The following ABCA7 variants were observed in gnomAD, a reference collection of about 807,000 sequenced individuals.
ABCA7 encodes phospholipid-transporting ATPase ABCA7.
In ABCA7, 261 loss-of-function variants were observed where a neutral mutation model predicts 227.6. The observed-to-expected ratio is 1.15, with a 90% CI of 1.04 to 1.27. The LOEUF (loss-of-function observed/expected upper bound fraction) is 1.27, where lower values mean the gene tolerates loss of function less well. Among genes scored for constraint, ABCA7 ranks in the 50% most tolerant of loss-of-function variants. ABCA7 has a pLI of 0.00. For missense variants in ABCA7, 3,331 were observed against 2,924.5 expected (o/e 1.14, Z -3.21); for synonymous variants, 1,488 against 1,279.7 (o/e 1.16, Z -3.47).
intron 16 of ABCA7, among the ~76,000 whole-genome samples, chr19:1,048,390 G>T (rs534721868): frequency 8.8e-4 from 131 of 148,980 alleles, no homozygotes; most frequent in African/African-American, 3.0e-3. Context: ...TAGCTACTTG[G>T]AAGGCAGAGG....
At position 1,041,817 on chromosome 19, in the gene ABCA7, G is replaced by A. The variant is rs1193883217; in HGVS notation, c.161-14G>A. The A allele has an allele frequency of 5.6e-6, 9 of 1,600,298 alleles. No homozygotes were observed. The African/African-American group carries it at 1.1e-4, about 19-fold the overall frequency. Reference sequence around the variant, plus strand: ...AGAGTCCACAGGGCCTCAGCACCAGGCGTCTCCCCGCAGGCCACTTCCCAA... The same window carrying A: ...AGAGTCCACAGGGCCTCAGCACCAGACGTCTCCCCGCAGGCCACTTCCCAA... On this transcript the variant is annotated splice_polypyrimidine_tract_variant and intron_variant, in intron 3 of 46. Transcript: ENST00000263094.
Position 1,049,363 on chromosome 19 carries a change from G to C in ABCA7, c.2478G>C (p.Gly826=), listed in dbSNP as rs771586748. Residue 826 remains glycine (G), a synonymous_variant, in exon 18 of 47, where the codon GGG becomes GGC. Coordinates refer to ENST00000263094, the MANE Select transcript of ABCA7 (RefSeq NM_019112.4). Reference sequence around the variant, plus strand: ...GAAGCCCGCAGCCAGCCCTGCGGGGGCTCAGCCTGGACTTCTACCAGGGCC... The same window carrying C: ...GAAGCCCGCAGCCAGCCCTGCGGGGCCTCAGCCTGGACTTCTACCAGGGCC... ...FPGSPQPALR[G]LSLDFYQGHI... 32 of 1,611,514 alleles carry C rather than the reference G, an allele frequency of 2.0e-5. No homozygotes were observed. In the Middle Eastern group the frequency reaches 2.1e-3, roughly 108 times the overall value.
intron 40 of ABCA7, among the ~76,000 whole-genome samples, chr19:1,061,116 G>C (rs2042622870): frequency 6.6e-6 from 1 of 152,126 alleles, no homozygotes. Flanking sequence ...AGGTGCTGAG[G>C]CCAGGCGTGG....
At position 1,063,513 on chromosome 19, in the gene ABCA7, TC is replaced by T. The variant is rs754918891; in HGVS notation, c.5713-27del. 76 of 1,605,778 alleles carry T rather than the reference TC, an allele frequency of 4.7e-5. 1 individual carries two copies. In the South Asian group the frequency reaches 8.4e-4, roughly 18 times the overall value. ...CCTGCCCCATACTCATCAATATGAG[TC>T]CCCATGCCTACTCTGGCCCCACCCC... On this transcript the variant is annotated intron_variant, in intron 42 of 46. Transcript: ENST00000263094.
In ABCA7 at chr19:1,056,019, G is replaced by GC. The variant is rs3833881; in HGVS notation, c.4239-40dup. ...TGCCTGCCCCCTGGGAGCTCTCCCGGCCCCCCCGGCCCTCAGCTCCCCTTC... is the reference window on the plus strand; with the variant it reads ...TGCCTGCCCCCTGGGAGCTCTCCCGGCCCCCCCCGGCCCTCAGCTCCCCTTC... On this transcript the variant is annotated intron_variant, in intron 31 of 46. Coordinates refer to ENST00000263094, the MANE Select transcript of ABCA7 (RefSeq NM_019112.4). This position sits in a 1 kb window ranked among gnomAD's most constrained non-coding sequence, Gnocchi z 4.3. The GC allele has an allele frequency of 4.3e-5, 67 of 1,552,304 alleles. No individual in the cohort carries two copies. Among genetic ancestry groups the GC allele is most frequent in the Middle Eastern group, 3.5e-4 (2 of 5,748 alleles).
In ABCA7 at chr19:1,048,893, A is replaced by G; in HGVS notation, c.2270-2A>G. The G allele has an allele frequency of 6.3e-7, 1 of 1,587,078 alleles. No individual in the cohort carries two copies. The highest frequency in any genetic ancestry group is 8.6e-7 in the Non-Finnish European group (1 of 1,165,444). On this transcript the variant is annotated splice_acceptor_variant, in intron 16 of 46. Coordinates refer to ENST00000263094, the MANE Select transcript of ABCA7 (RefSeq NM_019112.4). LOFTEE classifies it high-confidence loss of function. ...AGCAATAACCCGCGCCCCTCCCCGC[A>G]GGCCAGTACGGGATCCCTGAACCAT...
rs535290674 is a variant in ABCA7, at chr19:1,054,326, C to G, written c.3711C>G (p.Arg1237=). The change falls in exon 27 of 47, where the codon CGC becomes CGG. Residue 1237 remains arginine, a synonymous_variant. Coordinates refer to ENST00000263094, the MANE Select transcript of ABCA7 (RefSeq NM_019112.4). This position sits in a 1 kb window ranked among gnomAD's most constrained non-coding sequence, Gnocchi z 4.8. ...KRFLLARRSR[R]GLFAQIVLPA... ...TTCTGCTTGCCCGCCGCAGCCGCCG[C>G]GGCCTGTTCGCCCAGGTGAGGAGGG... is the stretch of plus-strand genomic sequence containing the variant. 1 of 1,599,308 alleles carries G rather than the reference C, an allele frequency of 6.3e-7. No individual in the cohort carries two copies. The highest frequency in any genetic ancestry group is 8.5e-7 in the Non-Finnish European group (1 of 1,178,318).
Position 1,053,172 on chromosome 19 carries a change from C to T in ABCA7, c.3221-157C>T, listed in dbSNP as rs141914879. On this transcript the variant is annotated intron_variant, in intron 23 of 46. Transcript: ENST00000263094. ...ACCCTCAAAGTGCTGGGATTACAGGCGTGAGCCACTGCGCCCGGCCGCACC... is the reference window on the plus strand; with the variant it reads ...ACCCTCAAAGTGCTGGGATTACAGGTGTGAGCCACTGCGCCCGGCCGCACC... Among the ~76,000 whole-genome samples, 398 of 152,356 alleles carry T rather than the reference C, an allele frequency of 2.6e-3. 2 individuals carry two copies. The highest frequency in any genetic ancestry group is 9.0e-3 in the African/African-American group (376 of 41,580).
At chr19:1,046,126 C>G (rs2040626134) in intron 12 of ABCA7, 104 bp from the exon 13 acceptor site, 3 of 1,339,866 alleles carry the variant, frequency 2.2e-6, no homozygotes, top group South Asian at 1.3e-5. Context: ...TCACTCCAGC[C>G]TGGGCGACAG....
At chr19:1,046,594 C>G (rs889561830) in intron 13 of ABCA7, among the ~76,000 whole-genome samples, 188 bp downstream of exon 13, 7 of 151,690 alleles carry the variant, frequency 4.6e-5, no homozygotes, top group African/African-American at 1.7e-4. Flanking sequence ...GGGGGGGACT[C>G]TGAGGGTCTG....
rs765162687 is a variant in ABCA7, at chr19:1,041,443, G to A, written c.66+16G>A. ...GAGACAGCCGGTAACGCCCCAGTGT[G>A]AGACCAGGGCCGGGTGGGCAGGCAG... On this transcript the variant is annotated intron_variant, in intron 2 of 46. Transcript: ENST00000263094. 1.2e-6 allele frequency: 2 copies of A among 1,613,976 alleles called. No individual in the cohort carries two copies. The highest frequency in any genetic ancestry group is 3.3e-5 in the Admixed American group (2 of 60,010).
rs1455999184 is a variant in ABCA7, at chr19:1,047,569, C to T, written c.2184C>T (p.Phe728=). 3.1e-6 allele frequency: 5 copies of T among 1,602,828 alleles called. No individual in the cohort carries two copies. Among genetic ancestry groups the T allele is most frequent in the Non-Finnish European group, 4.2e-6 (5 of 1,179,046 alleles). ...NVGTRPTADV[F]SLAQVSGLLL... is the part of the protein sequence containing the mutation. ...GCACCCGGCCTACGGCAGACGTCTT[C>T]AGCCTGGCCCAGGTCTCTGGCCTTC... Residue 728 remains phenylalanine (F), a synonymous_variant, in exon 16 of 47, where the codon TTC becomes TTT. Transcript: ENST00000263094.
At chr19:1,050,075 C>T (rs1347185988) in intron 18 of ABCA7, among the ~76,000 whole-genome samples, 1 of 149,360 alleles carries the variant, frequency 6.7e-6, no homozygotes, top group Non-Finnish European at 1.5e-5. Flanking sequence ...GCAGTAATGG[C>T]GCCACTGCAC....
rs374611445 is a variant in ABCA7, at chr19:1,059,087, T to C, written c.5463+2T>C. The C allele has an allele frequency of 3.1e-6, 5 of 1,612,568 alleles. No homozygotes were observed. The highest frequency in any genetic ancestry group is 4.2e-6 in the Non-Finnish European group (5 of 1,179,784). On this transcript the variant is annotated splice_donor_variant, in intron 40 of 46. Coordinates refer to ENST00000263094, the MANE Select transcript of ABCA7 (RefSeq NM_019112.4). LOFTEE classifies it high-confidence loss of function. ...TGCCTGGGGATTCCCCCTGGTGAGG[T>C]GAGTCCAGGGGTGGAGGCCAGGTGC...
chr19:1,046,801 G>T lies in ABCA7; in HGVS notation c.1623-1G>T. ...CTCCACCCCAGCCGTCCCCACCCCA[G>T]GTTCCTGCGTGTGCTGAGCCGGTCG... On this transcript the variant is annotated splice_acceptor_variant, in intron 13 of 46. Coordinates refer to ENST00000263094, the MANE Select transcript of ABCA7 (RefSeq NM_019112.4). LOFTEE classifies it high-confidence loss of function. 2.0e-6 allele frequency: 3 copies of T among 1,536,952 alleles called. No homozygotes were observed. The highest frequency in any genetic ancestry group is 2.6e-6 in the Non-Finnish European group (3 of 1,146,694).
In ABCA7 at chr19:1,054,955, CAG is replaced by C; in HGVS notation, c.3950+78_3950+79del. 1 of 1,551,664 alleles carries C rather than the reference CAG, an allele frequency of 6.4e-7. No homozygotes were observed. The highest frequency in any genetic ancestry group is 8.7e-7 in the Non-Finnish European group (1 of 1,143,920). On this transcript the variant is annotated intron_variant, in intron 29 of 46. Transcript: ENST00000263094. The surrounding 1 kb of genome is among the most constrained non-coding windows in gnomAD (Gnocchi z 4.8). ...CATCTGGTCCCTGGCCAGGGAGCCT[CAG>C]GGGGCACCTGGAGCATCCCCTGTGC...
chr19:1,054,101 G>A lies in ABCA7; in HGVS notation c.3568G>A (p.Gly1190Arg), dbSNP rs148143428. Residue 1190 changes from glycine (G) to arginine (R), a missense_variant, in exon 26 of 47, where the codon GGG becomes AGG. Coordinates refer to ENST00000263094, the MANE Select transcript of ABCA7 (RefSeq NM_019112.4). This position sits in a 1 kb window ranked among gnomAD's most constrained non-coding sequence, Gnocchi z 4.8. ...MPPQETALEN[G>R]EPAGSAPETD... ...GCCACAGGAGACAGCGCTGGAGAAC[G>A]GGGAACCAGGTAAGTCCTTCCCAGT... 6.4e-5 allele frequency: 103 copies of A among 1,613,104 alleles called. 1 individual carries two copies. Among genetic ancestry groups the A allele is most frequent in the South Asian group, 3.7e-4 (34 of 91,088 alleles).
intron 10 of ABCA7, among the ~76,000 whole-genome samples, chr19:1,044,321 C>A: frequency 6.8e-6 from 1 of 147,616 alleles, no homozygotes; most frequent in African/African-American, 2.5e-5. Flanking sequence ...GATCTTGGCT[C>A]ACTGCAACCT....
In ABCA7 at chr19:1,065,561, G is replaced by A. The variant is rs1325970534; in HGVS notation, c.*136G>A. The A allele has an allele frequency of 2.7e-6, 3 of 1,114,800 alleles. No homozygotes were observed. In the East Asian group the frequency reaches 7.6e-5, roughly 28 times the overall value. The allele number at this position is 1,114,800 out of a possible 1,614,324, so 69.1% of individuals were successfully genotyped here. A position where few individuals can be genotyped will look rare whatever the true frequency, so the allele number is the denominator to read the frequency against. ...ATAAAGAGAAGGCTGGAGAGAAGCC[G>A]TGGTGGTGAAACCGTGTGCATGTGT... On this transcript the variant is annotated 3_prime_UTR_variant, in exon 47 of 47. Transcript: ENST00000263094.
Sources: allele counts gnomAD v4.1 joint callset (sites outside exome capture counted in the v4.1 genomes callset), GRCh38; gene constraint gnomAD v4.1.1; non-coding constraint Gnocchi (gnomAD v3.1); transcripts MANE v1.5; gene names NCBI Gene and HGNC (gene_info 2026-07-23, HGNC 2026-07-21).